FHOD3: variants seen among roughly 807,000 people sequenced by gnomAD.
FHOD3 encodes the protein FH1/FH2 domain-containing protein 3.
FHOD3 carries 90 observed loss-of-function variants against 173.0 expected under a neutral mutation model. The observed-to-expected ratio is 0.52, with a 90% CI of 0.44 to 0.62. The LOEUF (loss-of-function observed/expected upper bound fraction) is 0.62, where lower values mean the gene tolerates loss of function less well. FHOD3 is among the 20% of genes least tolerant of loss of function. The pLI, the probability that FHOD3 is intolerant of heterozygous loss-of-function variation, is 0.00. For synonymous variants in FHOD3, 828 were observed against 823.0 expected (o/e 1.01, Z -0.10); for missense variants, 1,945 against 2,034.7 (o/e 0.96, Z 0.85).
chr18:36,308,599 A>AC (rs1272099616), intron 1 of FHOD3, among the ~76,000 whole-genome samples: 1 of 152,018 alleles, frequency 6.6e-6, no homozygotes, highest in Non-Finnish European at 1.5e-5. Context: ...CCTCAGACAC[A>AC]CCCGGGCTGT....
chr18:36,481,563 A>G (rs527684707), intron 3 of FHOD3, among the ~76,000 whole-genome samples: 2 of 152,182 alleles, frequency 1.3e-5, no homozygotes, highest in African/African-American at 4.8e-5. Flanking sequence ...TGGTTCTGAA[A>G]ACGGGGACAT....
chr18:36,591,391 G>A (rs965399402), intron 6 of FHOD3, among the ~76,000 whole-genome samples: 1 of 152,128 alleles, frequency 6.6e-6, no homozygotes, highest in East Asian at 1.9e-4. Flanking sequence ...GCTTTGCTGG[G>A]GGCTACTACG....
intron 5 of FHOD3, among the ~76,000 whole-genome samples, chr18:36,550,208 T>TTG (rs1343030475): frequency 7.1e-6 from 1 of 141,226 alleles, no homozygotes; most frequent in Admixed American, 7.1e-5. Context: ...TATATATCAC[T>TTG]TGTGTATATA....
chr18:36,755,748 A>C (rs564763525), intron 25 of FHOD3, among the ~76,000 whole-genome samples: 1 of 152,322 alleles, frequency 6.6e-6, no homozygotes, highest in East Asian at 1.9e-4. Flanking sequence ...CTGTGTAACC[A>C]ATCAGTTGAC....
intron 3 of FHOD3, among the ~76,000 whole-genome samples, chr18:36,442,724 C>T (rs1468381796): frequency 6.6e-6 from 1 of 152,186 alleles, no homozygotes; most frequent in African/African-American, 2.4e-5. Context: ...GCAGTAAAGT[C>T]AAGACATTAA....
At chr18:36,402,430 A>G (rs937205108) in intron 3 of FHOD3, among the ~76,000 whole-genome samples, 2 of 151,946 alleles carry the variant, frequency 1.3e-5, no homozygotes, top group African/African-American at 4.8e-5. Flanking sequence ...CATATTATAT[A>G]TTTTATCATA....
Position 36,718,705 on chromosome 18 carries a change from C to T in FHOD3, c.3407C>T (p.Ser1136Phe). ...TTTGAGTCTAAATCCAAGGAACTGT[C>T]TGTCTCAAAGGTACTGCTAGTCTTC... ...HLFESKSKEL[S>F]VSKKTAADGK... Residue 1136 changes from serine to phenylalanine, a missense_variant, in exon 19 of 29, where the codon TCT becomes TTT. Physicochemically the swap from Ser to Phe is radical, Grantham distance 155. Transcript: ENST00000590592. 6.2e-7 allele frequency: 1 copy of T among 1,612,958 alleles called. No individual in the cohort carries two copies. The highest frequency in any genetic ancestry group is 8.5e-7 in the Non-Finnish European group (1 of 1,179,210).
chr18:36,768,039 T>C (rs1201253196), intron 27 of FHOD3, among the ~76,000 whole-genome samples: 1 of 152,232 alleles, frequency 6.6e-6, no homozygotes, highest in Non-Finnish European at 1.5e-5. Context: ...GGCTGGCAGT[T>C]CCCTTGTGTT....
chr18:36,301,458 T>C (rs923489389), intron 1 of FHOD3, among the ~76,000 whole-genome samples: 4 of 152,246 alleles, frequency 2.6e-5, no homozygotes, highest in African/African-American at 7.2e-5. Flanking sequence ...ATAGTAGTTC[T>C]AGGGAATATG....
intron 3 of FHOD3, among the ~76,000 whole-genome samples, chr18:36,444,560 T>C (rs1454535833): frequency 3.3e-5 from 5 of 152,218 alleles, no homozygotes; most frequent in African/African-American, 1.2e-4. Flanking sequence ...TCTTCTTTCC[T>C]TTCTTGTTTC....
At chr18:36,624,801 G>A (rs1420734881) in intron 9 of FHOD3, among the ~76,000 whole-genome samples, 1 of 152,184 alleles carries the variant, frequency 6.6e-6, no homozygotes, top group Non-Finnish European at 1.5e-5. Flanking sequence ...GTCACTCTTA[G>A]GAAACTTTAA....
At chr18:36,763,242 T>C (rs905483468) in intron 27 of FHOD3, among the ~76,000 whole-genome samples, 1 of 145,914 alleles carries the variant, frequency 6.9e-6, no homozygotes, top group African/African-American at 2.5e-5. Context: ...ATATGCGTAT[T>C]ATACACGTTA....
intron 3 of FHOD3, among the ~76,000 whole-genome samples, chr18:36,438,818 G>C (rs1255805935): frequency 2.6e-5 from 4 of 152,258 alleles, no homozygotes; most frequent in African/African-American, 9.6e-5. Context: ...TTCCACATTG[G>C]CACTTGAGTT....
intron 20 of FHOD3, among the ~76,000 whole-genome samples, chr18:36,734,555 G>C (rs1204382577): frequency 6.6e-6 from 1 of 152,118 alleles, no homozygotes; most frequent in East Asian, 1.9e-4. Flanking sequence ...CCCTCTTGGA[G>C]AATGTGGCAT....
At chr18:36,450,928 A>C (rs1415133443) in intron 3 of FHOD3, among the ~76,000 whole-genome samples, 1 of 152,264 alleles carries the variant, frequency 6.6e-6, no homozygotes, top group African/African-American at 2.4e-5. Context: ...CTGAGCAGTG[A>C]ACCCTGGAAA....
At chr18:36,507,012 A>C (rs991995441) in intron 4 of FHOD3, among the ~76,000 whole-genome samples, 4 of 152,272 alleles carry the variant, frequency 2.6e-5, no homozygotes, top group African/African-American at 7.2e-5. Flanking sequence ...GGGAGACTGT[A>C]GCAGATGAGA....
At chr18:36,495,680 G>T (rs2054707978) in intron 3 of FHOD3, among the ~76,000 whole-genome samples, 1 of 152,298 alleles carries the variant, frequency 6.6e-6, no homozygotes, top group South Asian at 2.1e-4. Flanking sequence ...CATGTAGCTG[G>T]AGGGTCAGTG....
At chr18:36,774,167 G>C (rs1045278298) in intron 28 of FHOD3, among the ~76,000 whole-genome samples, 1 of 152,174 alleles carries the variant, frequency 6.6e-6, no homozygotes, top group Non-Finnish European at 1.5e-5. Flanking sequence ...GTTGGTGTTC[G>C]CATTTTAACT....
At chr18:36,363,680 G>A (rs1217509947) in intron 2 of FHOD3, among the ~76,000 whole-genome samples, 1 of 149,002 alleles carries the variant, frequency 6.7e-6, no homozygotes, top group Non-Finnish European at 1.5e-5. Flanking sequence ...TGGAGCACAG[G>A]GGATCTTTAG....
Sources: gnomAD v4.1 joint callset for allele counts (sites outside exome capture counted in the v4.1 genomes callset) on GRCh38, gnomAD v4.1.1 for gene constraint, MANE v1.5 for transcripts, NCBI Gene and HGNC (gene_info 2026-07-23, HGNC 2026-07-21) for gene names.